C11orf65: variants seen among roughly 807,000 people sequenced by gnomAD.
C11orf65 encodes the protein protein MFI.
In C11orf65, 38 loss-of-function variants were observed where a neutral mutation model predicts 35.3. That is an observed-to-expected ratio of 1.08 (90% CI 0.83 to 1.41). The LOEUF is 1.41. Ranked by LOEUF, C11orf65 falls within the 40% of genes most tolerant of loss-of-function variation. The pLI is 0.00. For missense variants in C11orf65, 370 were observed against 367.1 expected (o/e 1.01, Z -0.06); for synonymous variants, 105 against 114.4 (o/e 0.92, Z 0.53).
At chr11:108,390,760 C>T (rs1250538868) in intron 7 of C11orf65, among the ~76,000 whole-genome samples, 1 of 152,194 alleles carries the variant, frequency 6.6e-6, no homozygotes. Context: ...TTACCATCTG[C>T]ATTTGTTCAG....
At chr11:108,338,275 C>T (rs1273639903) in intron 2 of C11orf65, among the ~76,000 whole-genome samples, 33 of 152,114 alleles carry the variant, frequency 2.2e-4, no homozygotes, top group Admixed American at 2.1e-3. Context: ...CACTTAAACC[C>T]GGATGGCAGA....
chr11:108,396,146 G>A (rs2138477582), intron 6 of C11orf65, among the ~76,000 whole-genome samples: 1 of 152,230 alleles, frequency 6.6e-6, no homozygotes, highest in African/African-American at 2.4e-5. Context: ...AGGCTGGAGT[G>A]CAGTGGCACG....
At chr11:108,352,274 A>G (rs2089302023) in intron 2 of C11orf65, among the ~76,000 whole-genome samples, 1 of 152,258 alleles carries the variant, frequency 6.6e-6, no homozygotes, top group African/African-American at 2.4e-5. Flanking sequence ...CATGCTTGAA[A>G]CAAATTAAAA....
At chr11:108,373,524 A>T (rs227086) in intron 2 of C11orf65, among the ~76,000 whole-genome samples, 79,722 of 152,092 alleles carry the variant, frequency 0.52, 21,775 homozygotes, top group Middle Eastern at 0.73. Flanking sequence ...TACCGTTTTA[A>T]AAAGGAAGAA....
intron 2 of C11orf65, chr11:108,346,547 T>C (rs1422900245): frequency 6.6e-6 from 1 of 152,414 alleles, no homozygotes; most frequent in African/African-American, 2.4e-5. Flanking sequence ...ACTTACATAC[T>C]ATACCCCAGG....
chr11:108,431,721 C>A lies in C11orf65; in HGVS notation c.174+25G>T. On this transcript the variant is annotated intron_variant, in intron 3 of 8. Transcript: ENST00000393084. Reference sequence around the variant, plus strand: ...ACATTTTATGGAAAAATATAGGATGCTATATCAATAAGTAATGTCCTTACC... The same window carrying A: ...ACATTTTATGGAAAAATATAGGATGATATATCAATAAGTAATGTCCTTACC... 5 of 1,187,600 alleles carry A rather than the reference C, an allele frequency of 4.2e-6. No individual in the cohort carries two copies. In the Admixed American group the frequency reaches 7.1e-5, roughly 17 times the overall value. The allele number at this position is 1,187,600 out of a possible 1,614,324, so 73.6% of individuals were successfully genotyped here.
intron 3 of C11orf65, among the ~76,000 whole-genome samples, chr11:108,332,196 G>T (rs553730349): frequency 6.6e-6 from 1 of 152,292 alleles, no homozygotes; most frequent in Admixed American, 6.5e-5. Context: ...GGGAGGCTGA[G>T]GCGGGTGGAT....
At position 108,345,385 on chromosome 11, in the gene C11orf65, T is replaced by C. The variant is rs1263547277; in HGVS notation, c.227-10093A>G. ...GAGGGATTCTTCTGTTCTTTCTCTT[T>C]TCCTGTTTTCTATTGCAACCCAATG... On this transcript the variant is annotated intron_variant, in intron 2 of 3. Transcript: ENST00000524755. Among the ~76,000 whole-genome samples the C allele has an allele frequency of 2.6e-5, 4 of 152,210 alleles. No individual in the cohort carries two copies. The East Asian group carries it at 5.8e-4, about 22-fold the overall frequency.
At chr11:108,389,986 G>A (rs369944157) in intron 7 of C11orf65, among the ~76,000 whole-genome samples, 1,963 of 126,828 alleles carry the variant, frequency 0.015, 48 homozygotes, top group African/African-American at 0.05. Context: ...GAGCCACCTC[G>A]CCTGGCTGGT....
At chr11:108,435,063 C>G (rs76629012) in intron 2 of C11orf65, among the ~76,000 whole-genome samples, 1 of 152,162 alleles carries the variant, frequency 6.6e-6, no homozygotes, top group Admixed American at 6.5e-5. Flanking sequence ...GAATGAATAT[C>G]GTGCTATTTC....
intron 2 of C11orf65, among the ~76,000 whole-genome samples, chr11:108,351,062 C>T (rs1042283265): frequency 6.6e-6 from 1 of 152,130 alleles, no homozygotes; most frequent in Non-Finnish European, 1.5e-5. Flanking sequence ...TTTATATTCT[C>T]TTTGTATATA....
chr11:108,366,691 A>T (rs1354639598), intron 2 of C11orf65: 1 of 231,378 alleles, frequency 4.3e-6, no homozygotes, highest in Non-Finnish European at 8.6e-6. Context: ...TAGCATAAAT[A>T]CTGATAGGAG....
At chr11:108,454,754 C>A (rs886134330) in intron 2 of C11orf65, among the ~76,000 whole-genome samples, 1 of 152,150 alleles carries the variant, frequency 6.6e-6, no homozygotes, top group Non-Finnish European at 1.5e-5. Flanking sequence ...GCCACCACAC[C>A]TGATTTTCTT....
chr11:108,420,898 A>T (rs1382102645), intron 3 of C11orf65, among the ~76,000 whole-genome samples: 1 of 152,092 alleles, frequency 6.6e-6, no homozygotes, highest in Non-Finnish European at 1.5e-5. Context: ...TACAGGTGTG[A>T]GCTACCGCAC....
Position 108,317,644 on chromosome 11 carries a change from TATATATATACAC to T in C11orf65, c.641-8585_641-8574del, listed in dbSNP as rs1236707662. On this transcript the variant is annotated intron_variant, in intron 6 of 6. Transcript: ENST00000525729. ...ATATATATATATATATATATATATA[TATATATATACAC>T]ACACACACACACACACACTATATAT... 53 of 153,614 alleles carry T rather than the reference TATATATATACAC, an allele frequency of 3.5e-4. 1 individual carries two copies. Among genetic ancestry groups the T allele is most frequent in the African/African-American group, 1.7e-3 (44 of 25,512 alleles). The allele number at this position is 153,614 out of a possible 1,614,324, so 9.5% of individuals were successfully genotyped here.
chr11:108,438,056 T>C (rs970009399), intron 2 of C11orf65, among the ~76,000 whole-genome samples: 9 of 152,206 alleles, frequency 5.9e-5, no homozygotes, highest in African/African-American at 1.9e-4. Context: ...AGGACAGATA[T>C]ATAGGCCAAT....
chr11:108,347,981 C>G (rs1454458945), intron 2 of C11orf65, among the ~76,000 whole-genome samples: 1 of 152,042 alleles, frequency 6.6e-6, no homozygotes, highest in South Asian at 2.1e-4. Context: ...GTTGTAGAAA[C>G]CAGAATATTG....
chr11:108,362,740 A>G (rs890530394), intron 2 of C11orf65, among the ~76,000 whole-genome samples: 1 of 138,748 alleles, frequency 7.2e-6, no homozygotes, highest in Non-Finnish European at 1.6e-5. Flanking sequence ...ATAGGTGGGA[A>G]TTGAACAATG....
intron 2 of C11orf65, among the ~76,000 whole-genome samples, chr11:108,446,845 A>C (rs1329558352): frequency 6.6e-6 from 1 of 152,194 alleles, no homozygotes; most frequent in Non-Finnish European, 1.5e-5. Flanking sequence ...GGCAAATTGG[A>C]TAAAGAGTCA....
Sources: gnomAD v4.1 joint callset for allele counts (sites outside exome capture counted in the v4.1 genomes callset) on GRCh38, gnomAD v4.1.1 for gene constraint, MANE v1.5 for transcripts, NCBI Gene and HGNC (gene_info 2026-07-23, HGNC 2026-07-21) for gene names.